Variants in PHEX observed in about 807,000 individuals in gnomAD.
PHEX encodes phosphate-regulating neutral endopeptidase PHEX.
Under a neutral mutation model 68.0 loss-of-function variants are expected in PHEX, and 16 were observed. The ratio of observed to expected loss-of-function variants is 0.24; its 90% CI spans 0.16 to 0.36. The LOEUF is 0.36. PHEX is among the 10% of genes least tolerant of loss of function. The pLI is 1.00. For synonymous variants in PHEX, 208 were observed against 205.1 expected, an observed-to-expected ratio of 1.01 and a Z score of -0.12; for missense variants, 480 against 575.5, an observed-to-expected ratio of 0.83 and a Z score of 1.70.
At chrX:22,175,002 C>T (rs1475769127) in intron 13 of PHEX, among the ~76,000 whole-genome samples, 1 of 111,492 alleles carries the variant, frequency 9.0e-6, no homozygotes, top group Non-Finnish European at 1.9e-5. Flanking sequence ...CCGTAATCTC[C>T]TTAGCCCTGT....
At chrX:22,141,910 A>G (rs760740359) in intron 12 of PHEX, among the ~76,000 whole-genome samples, 26 of 112,146 alleles carry the variant, frequency 2.3e-4, no homozygotes, top group African/African-American at 8.1e-4. Context: ...TTCTCTTAAC[A>G]TTTATTATAA....
At chrX:22,040,516 TA>T (rs958936199) in intron 2 of PHEX, among the ~76,000 whole-genome samples, 10 of 110,301 alleles carry the variant, frequency 9.1e-5, no homozygotes, top group Middle Eastern at 4.8e-3. Flanking sequence ...TAGAGAAAAT[TA>T]AAAAAAAGAT....
chrX:22,240,673 A>G (rs1936156122), intron 20 of PHEX, among the ~76,000 whole-genome samples: 1 of 112,083 alleles, frequency 8.9e-6, no homozygotes, highest in Non-Finnish European at 1.9e-5. Flanking sequence ...AGAGCATTAC[A>G]TAATGGTAAA....
chrX:22,196,345 C>T (rs1273851987), intron 15 of PHEX, among the ~76,000 whole-genome samples: 5 of 112,018 alleles, frequency 4.5e-5, no homozygotes, highest in African/African-American at 1.6e-4. Context: ...GATGTGTAGA[C>T]CAGGGATTGG....
At chrX:22,177,960 G>A (rs748220865) in intron 13 of PHEX, among the ~76,000 whole-genome samples, 4 of 112,225 alleles carry the variant, frequency 3.6e-5, no homozygotes, top group African/African-American at 1.3e-4. Flanking sequence ...AAGATAATAT[G>A]TTTTATAAAG....
intron 15 of PHEX, among the ~76,000 whole-genome samples, chrX:22,192,208 C>T (rs1934220500): frequency 9.0e-6 from 1 of 111,428 alleles, no homozygotes; most frequent in Admixed American, 9.6e-5. Flanking sequence ...TCTTTGCTCA[C>T]TTGCTTGGTG....
At chrX:22,207,607 A>G (rs1934751667) in intron 15 of PHEX, among the ~76,000 whole-genome samples, 1 of 111,494 alleles carries the variant, frequency 9.0e-6, no homozygotes, top group African/African-American at 3.3e-5. Context: ...TAAGAAAACA[A>G]ATAAATAACT....
intron 3 of PHEX, among the ~76,000 whole-genome samples, chrX:22,062,093 G>A (rs1187730031): frequency 9.0e-6 from 1 of 111,138 alleles, no homozygotes; most frequent in East Asian, 2.8e-4. Context: ...GGGGAAGAAT[G>A]CCCCCATGAT....
chrX:22,153,460 C>T (rs17322057), intron 12 of PHEX, among the ~76,000 whole-genome samples: 53,910 of 110,903 alleles, frequency 0.49, 11,272 homozygotes, highest in African/African-American at 0.8. Flanking sequence ...TAAATGCGAA[C>T]GGCAGGACTT....
intron 1 of PHEX, among the ~76,000 whole-genome samples, chrX:22,035,149 C>G (rs921327029): frequency 2.7e-5 from 3 of 111,665 alleles, no homozygotes; most frequent in African/African-American, 9.8e-5. Flanking sequence ...TTTCTAGCAT[C>G]CCTTCGTACC....
intron 16 of PHEX, 32 bp from the exon 17 acceptor site, chrX:22,219,004 A>T: frequency 1.0e-6 from 1 of 981,591 alleles, no homozygotes; most frequent in Non-Finnish European, 1.5e-6. Flanking sequence ...TCATGCTTGT[A>T]ATTGTCTCCA....
chrX:22,227,217 T>G (rs1935537945), intron 19 of PHEX, among the ~76,000 whole-genome samples: 1 of 112,500 alleles, frequency 8.9e-6, no homozygotes, highest in Middle Eastern at 4.6e-3. Flanking sequence ...TTGTGTTAGA[T>G]TTGTTTGTCC....
chrX:22,113,005 T>TTGTGTGTGTGTGTGTGTGTGTG (rs560422828), intron 10 of PHEX, among the ~76,000 whole-genome samples: 1 of 88,692 alleles, frequency 1.1e-5, no homozygotes, highest in Non-Finnish European at 2.3e-5. Context: ...CAAGTAGGTT[T>TTGTGTGTGTGTGTGTGTGTGTG]TGTGTGTGTG....
intron 2 of PHEX, among the ~76,000 whole-genome samples, chrX:22,039,393 C>G (rs1927172578): frequency 8.9e-6 from 1 of 112,329 alleles, no homozygotes; most frequent in South Asian, 3.7e-4. Context: ...GCCACAGTGT[C>G]TTATCCCATC....
In PHEX at chrX:22,236,813, A is replaced by G. The variant is rs143014472; in HGVS notation, c.2071-8520A>G. ...AGTGATCTATCAATCAGTTCTTACTATTTACATCCTAGCCCACAATATCTC... is the reference window on the plus strand; with the variant it reads ...AGTGATCTATCAATCAGTTCTTACTGTTTACATCCTAGCCCACAATATCTC... On this transcript the variant is annotated intron_variant, in intron 20 of 21. Coordinates refer to ENST00000379374, the MANE Select transcript of PHEX (RefSeq NM_000444.6). 3.1e-3 allele frequency among the ~76,000 whole-genome samples: 352 copies of G among 112,336 alleles called. 2 individuals carry two copies. The highest frequency in any genetic ancestry group is 0.011 in the African/African-American group (329 of 30,970).
At chrX:22,221,893 A>G in intron 18 of PHEX, 150 bp downstream of exon 18, 2 of 541,662 alleles carry the variant, frequency 3.7e-6, no homozygotes, top group Non-Finnish European at 6.4e-6. Flanking sequence ...CCTACCCCAT[A>G]CCTGCTGAAT....
intron 11 of PHEX, among the ~76,000 whole-genome samples, chrX:22,126,693 G>A (rs1383439475): frequency 9.1e-6 from 1 of 110,365 alleles, no homozygotes; most frequent in Non-Finnish European, 1.9e-5. Flanking sequence ...ACTCACCAAT[G>A]TCTGGTGTCT....
At chrX:22,123,150 G>A (rs190048097) in intron 11 of PHEX, among the ~76,000 whole-genome samples, 2 of 108,811 alleles carry the variant, frequency 1.8e-5, no homozygotes, top group African/African-American at 3.4e-5. Context: ...CATGATGCCC[G>A]GCTAATTTTT....
chrX:22,159,461 C>T (rs1051881506), intron 12 of PHEX, among the ~76,000 whole-genome samples: 14 of 111,281 alleles, frequency 1.3e-4, no homozygotes, highest in East Asian at 2.8e-4. Context: ...GTCTGGGCAA[C>T]GTAGTGAGAC....
Sources: allele counts gnomAD v4.1 joint callset (sites outside exome capture counted in the v4.1 genomes callset), GRCh38; gene constraint gnomAD v4.1.1; transcripts MANE v1.5; gene names NCBI Gene and HGNC (gene_info 2026-07-23, HGNC 2026-07-21).